EML4: variants seen among roughly 807,000 people sequenced by gnomAD.
EML4 encodes EMAP like 4, also known as echinoderm microtubule-associated protein-like 4.
Under a neutral mutation model 129.0 loss-of-function variants are expected in EML4, and 72 were observed. The observed-to-expected ratio is 0.56, with a 90% CI of 0.46 to 0.68. The LOEUF is 0.68. Ranked by LOEUF, EML4 falls within the 30% of genes least tolerant of loss-of-function variation. The probability of loss-of-function intolerance (pLI) is 0.00; values close to 1 mark genes in which losing one functional copy is unlikely to be tolerated. For missense variants in EML4, 1,363 were observed against 1,190.6 expected (o/e 1.14, Z -2.13); for synonymous variants, 532 against 405.0 (o/e 1.31, Z -3.77).
At chr2:42,239,704 G>GA (rs1241218769) in intron 1 of EML4, among the ~76,000 whole-genome samples, 5 of 119,268 alleles carry the variant, frequency 4.2e-5, no homozygotes, top group South Asian at 2.8e-4. Flanking sequence ...GGGGCAATTA[G>GA]AAAAAATGTT....
At chr2:42,277,761 G>C (rs1401513034) in intron 6 of EML4, among the ~76,000 whole-genome samples, 1 of 152,074 alleles carries the variant, frequency 6.6e-6, no homozygotes, top group African/African-American at 2.4e-5. Context: ...TAGAGACGGG[G>C]TTTCACCGTG....
In EML4 at chr2:42,199,893, A is replaced by G. The variant is rs564630719; in HGVS notation, c.25+30257A>G. Among the ~76,000 whole-genome samples, 230 of 152,260 alleles carry G rather than the reference A, an allele frequency of 1.5e-3. 1 individual carries two copies. Among genetic ancestry groups the G allele is most frequent in the African/African-American group, 5.3e-3 (222 of 41,548 alleles). ...TATTGTGGAATCATGGAAAGAGACC[A>G]TTTGCTTTAAAGGATAAGTATATGG... On this transcript the variant is annotated intron_variant, in intron 1 of 22. Coordinates refer to ENST00000318522, the MANE Select transcript of EML4 (RefSeq NM_019063.5).
At position 42,317,466 on chromosome 2, in the gene EML4, T is replaced by C; in HGVS notation, c.2096T>C (p.Ile699Thr). 6.2e-7 allele frequency: 1 copy of C among 1,613,128 alleles called. No homozygotes were observed. The highest frequency in any genetic ancestry group is 8.5e-7 in the Non-Finnish European group (1 of 1,179,410). Residue 699 changes from isoleucine (I) to threonine (T), a missense_variant, in exon 19 of 23, where the codon ATT (isoleucine) becomes ACT (threonine). Ile to Thr is a moderately conservative substitution (Grantham distance 89). Coordinates refer to ENST00000318522, the MANE Select transcript of EML4 (RefSeq NM_019063.5). The part of the protein sequence containing the change: ...FLAVGSHDNF[I>T]YLYVVSENGR... ...GCTGTAGGATCTCATGACAACTTTA[T>C]TTACCTCTATGTAGTCTCTGAAAAT...
intron 1 of EML4, among the ~76,000 whole-genome samples, chr2:42,227,237 G>A (rs1461532570): frequency 2.0e-5 from 3 of 151,988 alleles, no homozygotes; most frequent in African/African-American, 7.3e-5. Context: ...AGCCCCCACA[G>A]CCTGCCCCAA....
In EML4 at chr2:42,214,258, T is replaced by C. The variant is rs535709875; in HGVS notation, c.26-31247T>C. On this transcript the variant is annotated intron_variant, in intron 1 of 22. Coordinates refer to ENST00000318522, the MANE Select transcript of EML4 (RefSeq NM_019063.5). ...TTTATGTCTAGTACATTTACTCATA[T>C]GAATATCATCCAAAGTATAAAAAAT... Among the ~76,000 whole-genome samples the C allele has an allele frequency of 1.8e-4, 28 of 152,354 alleles. 1 individual carries two copies. Among genetic ancestry groups the C allele is most frequent in the African/African-American group, 6.3e-4 (26 of 41,576 alleles).
chr2:42,184,884 A>G (rs1671155617), intron 1 of EML4, among the ~76,000 whole-genome samples: 1 of 152,148 alleles, frequency 6.6e-6, no homozygotes, highest in African/African-American at 2.4e-5. Flanking sequence ...TGTGCCTTAT[A>G]CTAGGTTGAA....
chr2:42,288,366 C>G (rs199931238), intron 11 of EML4, 44 bp downstream of exon 11: 11 of 1,001,684 alleles, frequency 1.1e-5, no homozygotes, highest in Middle Eastern at 4.3e-4. Context: ...GAGTACGTTA[C>G]TTGTTTTGCA....
chr2:42,169,620 T>A lies in EML4; in HGVS notation c.9T>A (p.Gly3=). Residue 3 remains glycine (G), a synonymous_variant, in exon 1 of 23, where the codon GGT becomes GGA. Transcript: ENST00000318522. Reference sequence around the variant, plus strand: ...GGCGCTTTCCCCGCAAGATGGACGGTTTCGCCGGCAGTCTCGGTGAGTACG... The same window carrying A: ...GGCGCTTTCCCCGCAAGATGGACGGATTCGCCGGCAGTCTCGGTGAGTACG... MD[G]FAGSLDDSIS... 6.2e-7 allele frequency: 1 copy of A among 1,601,108 alleles called. No homozygotes were observed. Among genetic ancestry groups the A allele is most frequent in the Non-Finnish European group, 8.5e-7 (1 of 1,174,448 alleles).
At chr2:42,286,037 T>C in intron 9 of EML4, 2 of 583,296 alleles carry the variant, frequency 3.4e-6, no homozygotes, top group Non-Finnish European at 6.2e-6. Context: ...GTGTAATACT[T>C]AGAATAGTAT....
At chr2:42,277,810 G>C (rs1572675679) in intron 6 of EML4, among the ~76,000 whole-genome samples, 1 of 152,240 alleles carries the variant, frequency 6.6e-6, no homozygotes, top group African/African-American at 2.4e-5. Context: ...CTCGTGATCT[G>C]TCTGCCTCGG....
chr2:42,170,424 G>A (rs1434110257), intron 1 of EML4: 1 of 152,226 alleles, frequency 6.6e-6, no homozygotes, highest in African/African-American at 2.4e-5. Flanking sequence ...GCCTCTATCA[G>A]GGAAGGAAAG....
intron 1 of EML4, among the ~76,000 whole-genome samples, chr2:42,242,621 C>T (rs79191713): frequency 0.024 from 3,596 of 152,126 alleles, 130 homozygotes; most frequent in African/African-American, 0.082. Flanking sequence ...TAGTATTAGA[C>T]TGAGCCATAT....
At chr2:42,320,445 G>A (rs1669461386) in intron 19 of EML4, among the ~76,000 whole-genome samples, 1 of 151,864 alleles carries the variant, frequency 6.6e-6, no homozygotes, top group Non-Finnish European at 1.5e-5. Flanking sequence ...ACCTATCTAT[G>A]CATCCTAACC....
chr2:42,331,508 A>C lies in EML4; in HGVS notation c.*1301A>C, dbSNP rs1283715949. 4.5e-6 allele frequency: 1 copy of C among 223,414 alleles called. No homozygotes were observed. Among genetic ancestry groups the C allele is most frequent in the African/African-American group, 2.2e-5 (1 of 44,812 alleles). 13.8% of individuals were successfully genotyped at this position (223,414 alleles called of 1,614,324 possible). ...GTATTTCCTATATGTTTATACTTTG[A>C]TTATAAAAAAGTATTTTGTTTTGAT... On this transcript the variant is annotated 3_prime_UTR_variant, in exon 23 of 23. Transcript: ENST00000318522.
At chr2:42,263,012 C>T (rs148374489) in intron 4 of EML4, among the ~76,000 whole-genome samples, 166 bp from the exon 5 acceptor site, 2 of 152,098 alleles carry the variant, frequency 1.3e-5, no homozygotes, top group African/African-American at 4.8e-5. Context: ...TGGGAATTGC[C>T]TTGTTTAACT....
At chr2:42,235,116 T>G (rs114490618) in intron 1 of EML4, among the ~76,000 whole-genome samples, 7,096 of 152,126 alleles carry the variant, frequency 0.047, 553 homozygotes, top group African/African-American at 0.16. Context: ...GCCAACATGG[T>G]GAGATCCCGT....
In EML4 at chr2:42,226,189, C is replaced by A. The variant is rs192274708; in HGVS notation, c.26-19316C>A. On this transcript the variant is annotated intron_variant, in intron 1 of 22. Transcript: ENST00000318522. ...TTATAGTAGATTGAATCTATTAGATCTTCCAGATACACTTAAATTCTGAGA... is the reference window on the plus strand; with the variant it reads ...TTATAGTAGATTGAATCTATTAGATATTCCAGATACACTTAAATTCTGAGA... 1.1e-3 allele frequency among the ~76,000 whole-genome samples: 170 copies of A among 152,148 alleles called. 1 individual carries two copies. Among genetic ancestry groups the A allele is most frequent in the African/African-American group, 3.9e-3 (162 of 41,532 alleles).
intron 1 of EML4, among the ~76,000 whole-genome samples, chr2:42,205,035 C>A (rs575499835): frequency 6.6e-6 from 1 of 152,248 alleles, no homozygotes; most frequent in South Asian, 2.1e-4. Context: ...GTTCTATAAT[C>A]ATCCAAAGAA....
chr2:42,268,352 G>A (rs1254647610), intron 6 of EML4, among the ~76,000 whole-genome samples: 2 of 152,274 alleles, frequency 1.3e-5, no homozygotes, highest in South Asian at 4.1e-4. Flanking sequence ...AAGGACTTGA[G>A]CATCCACAGA....
Sources: gnomAD v4.1 joint callset for allele counts (sites outside exome capture counted in the v4.1 genomes callset) on GRCh38, gnomAD v4.1.1 for gene constraint, MANE v1.5 for transcripts, NCBI Gene and HGNC (gene_info 2026-07-23, HGNC 2026-07-21) for gene names.